Variants in PDPN observed in about 807,000 individuals in gnomAD.
PDPN encodes podoplanin.
A neutral mutation model predicts 23.2 loss-of-function variants in PDPN; 12 were observed. The observed-to-expected ratio is 0.52, with a 90% CI of 0.33 to 0.84. The LOEUF is 0.84. Among genes scored for constraint, PDPN ranks in the 40% least tolerant of loss-of-function variants. The pLI is 0.02. For synonymous variants in PDPN, 77 were observed against 76.7 expected (o/e 1.00, Z -0.02); for missense variants, 199 against 212.2 (o/e 0.94, Z 0.39).
At chr1:13,586,925 G>A (rs1200070167) in intron 1 of PDPN, among the ~76,000 whole-genome samples, 3 of 152,236 alleles carry the variant, frequency 2.0e-5, no homozygotes, top group East Asian at 1.9e-4. Flanking sequence ...GGTGGTGCGC[G>A]CCTGTAGTCC....
intron 1 of PDPN, among the ~76,000 whole-genome samples, chr1:13,596,416 A>G (rs1640498628): frequency 6.6e-6 from 1 of 152,148 alleles, no homozygotes; most frequent in Non-Finnish European, 1.5e-5. Context: ...ATTAATTCAC[A>G]GTTCTCTAGA....
At position 13,597,400 on chromosome 1, in the gene PDPN, C is replaced by T. The variant is rs960039490; in HGVS notation, c.68-9773C>T. Among the ~76,000 whole-genome samples, 4 of 152,072 alleles carry T rather than the reference C, an allele frequency of 2.6e-5. No homozygotes were observed. In the East Asian group the frequency reaches 5.8e-4, roughly 22 times the overall value. On this transcript the variant is annotated intron_variant, in intron 1 of 5. Coordinates refer to ENST00000621990, the MANE Select transcript of PDPN (RefSeq NM_006474.5). The stretch of plus-strand genomic sequence containing the variant: ...TACCCTGGGTTTCCTTTGAAAATCC[C>T]GAGGGTAACTCAGCTTGTATCTTGT...
chr1:13,595,336 A>G (rs1640465437), intron 1 of PDPN, among the ~76,000 whole-genome samples: 1 of 152,166 alleles, frequency 6.6e-6, no homozygotes, highest in Admixed American at 6.5e-5. Context: ...TATTGAAAGG[A>G]AAATGGAGTC....
Position 13,607,297 on chromosome 1 carries a change from G to A in PDPN, c.192G>A (p.Leu64=). The change falls in exon 2 of 6, where the codon TTG becomes TTA. Residue 64 remains leucine (L), a synonymous_variant. Transcript: ENST00000621990. Reference sequence around the variant, plus strand: ...GCGAAGACCGCTATAAGTCTGGCTTGACAACTCTGGTCAGTGTCCTGGGAA... The same window carrying A: ...GCGAAGACCGCTATAAGTCTGGCTTAACAACTCTGGTCAGTGTCCTGGGAA... The part of the protein sequence containing the change: ...GTSEDRYKSG[L]TTLVATSVNS... 6.2e-7 allele frequency: 1 copy of A among 1,613,936 alleles called. No individual in the cohort carries two copies. The highest frequency in any genetic ancestry group is 8.5e-7 in the Non-Finnish European group (1 of 1,179,902).
chr1:13,589,701 T>C (rs1289294051), intron 1 of PDPN, among the ~76,000 whole-genome samples: 1 of 152,164 alleles, frequency 6.6e-6, no homozygotes, highest in Non-Finnish European at 1.5e-5. Flanking sequence ...CCCTAACCAC[T>C]TAGCTACACA....
At chr1:13,584,174 G>A (rs969144400) in intron 1 of PDPN, 74 bp downstream of exon 1, 1 of 1,562,890 alleles carries the variant, frequency 6.4e-7, no homozygotes, top group Admixed American at 1.8e-5. Flanking sequence ...GGAATGCCCG[G>A]GCCTGGTATT....
intron 1 of PDPN, among the ~76,000 whole-genome samples, chr1:13,598,626 A>T (rs1430854810): frequency 1.3e-5 from 2 of 151,708 alleles, no homozygotes; most frequent in Non-Finnish European, 2.9e-5. Flanking sequence ...CCCCATCCTT[A>T]AAACAGTTCT....
intron 1 of PDPN, among the ~76,000 whole-genome samples, chr1:13,606,185 T>C (rs188378734): frequency 2.7e-3 from 408 of 152,248 alleles, no homozygotes; most frequent in African/African-American, 9.3e-3. Context: ...AGACAGAGTT[T>C]CACCGTGTTG....
Position 13,607,223 on chromosome 1 carries a change from G to C in PDPN, c.118G>C (p.Gly40Arg), listed in dbSNP as rs530873437. The change falls in exon 2 of 6, where the codon GGC becomes CGC. Residue 40 changes from glycine (G) to arginine (R), a missense_variant. Physicochemically the swap from Gly to Arg is moderately radical, Grantham distance 125 (BLOSUM62 -2). Coordinates refer to ENST00000621990, the MANE Select transcript of PDPN (RefSeq NM_006474.5). ...DDTETTGLEG[G>R]VAMPGAEDDV... ...CACTGAGACTACAGGTTTGGAAGGC[G>C]GCGTTGCCATGCCAGGTGCCGAAGA... 1 of 1,614,076 alleles carries C rather than the reference G, an allele frequency of 6.2e-7. No individual in the cohort carries two copies. The highest frequency in any genetic ancestry group is 2.2e-5 in the East Asian group (1 of 44,882).
At chr1:13,606,727 C>A (rs1396454107) in intron 1 of PDPN, among the ~76,000 whole-genome samples, 2 of 151,878 alleles carry the variant, frequency 1.3e-5, no homozygotes, top group African/African-American at 4.8e-5. Context: ...AGATGGAGAC[C>A]CCGCTTTTGC....
At chr1:13,597,965 A>G (rs1185307808) in intron 1 of PDPN, among the ~76,000 whole-genome samples, 2 of 151,538 alleles carry the variant, frequency 1.3e-5, no homozygotes, top group Non-Finnish European at 2.9e-5. Flanking sequence ...ACAGAGGGAG[A>G]CCCTGTCTCA....
chr1:13,599,009 T>TC (rs1640568224), intron 1 of PDPN, among the ~76,000 whole-genome samples: 2 of 133,352 alleles, frequency 1.5e-5, no homozygotes, highest in Non-Finnish European at 3.1e-5. Flanking sequence ...GTGCCCCCCC[T>TC]CCTTTTTTTT....
intron 1 of PDPN, among the ~76,000 whole-genome samples, chr1:13,593,676 C>T (rs1287729420): frequency 6.6e-6 from 1 of 152,162 alleles, no homozygotes; most frequent in African/African-American, 2.4e-5. Context: ...GGCTTCTTTT[C>T]TCCCTCTTGC....
Position 13,616,052 on chromosome 1 carries a change from G to A in PDPN, c.*141G>A, listed in dbSNP as rs1187511488. ...ACTCAGAATCCACGGTGACCTCTCC[G>A]CTTGCCAAAATAACCGAAGGAAAGA... is the stretch of plus-strand genomic sequence containing the variant. On this transcript the variant is annotated 3_prime_UTR_variant, in exon 6 of 6. Coordinates refer to ENST00000621990, the MANE Select transcript of PDPN (RefSeq NM_006474.5). 6.6e-6 allele frequency: 5 copies of A among 756,218 alleles called. No homozygotes were observed. Among genetic ancestry groups the A allele is most frequent in the South Asian group, 3.2e-5 (2 of 62,534 alleles). The allele number at this position is 756,218 out of a possible 1,614,324, so 46.8% of individuals were successfully genotyped here. A position where few individuals can be genotyped will look rare whatever the true frequency, so the allele number is the denominator to read the frequency against.
rs60016358 is a variant in PDPN at position 13,612,476 on chromosome 1, A to G, written c.332-1211A>G. 5.3e-3 allele frequency among the ~76,000 whole-genome samples: 815 copies of G among 152,342 alleles called. 7 individuals carry two copies. The highest frequency in any genetic ancestry group is 0.018 in the African/African-American group (744 of 41,572). On this transcript the variant is annotated intron_variant, in intron 3 of 5. Coordinates refer to ENST00000621990, the MANE Select transcript of PDPN (RefSeq NM_006474.5). ...AGCTGCCACGTGGTAGGACGTGATA[A>G]GCAAATGATTGACTTATCTCTTCGG...
intron 5 of PDPN, chr1:13,614,816 CA>C (rs1641025601): frequency 1.9e-6 from 1 of 517,834 alleles, no homozygotes; most frequent in Non-Finnish European, 3.9e-6. Context: ...TCTTCATCTT[CA>C]AAAGGACTAC....
intron 1 of PDPN, among the ~76,000 whole-genome samples, chr1:13,585,845 C>T (rs1217886854): frequency 2.0e-5 from 3 of 152,064 alleles, no homozygotes; most frequent in Non-Finnish European, 4.4e-5. Context: ...CATCATTGAG[C>T]GAAGCTATTG....
intron 1 of PDPN, among the ~76,000 whole-genome samples, chr1:13,598,507 C>G (rs1426557599): frequency 6.6e-6 from 1 of 152,170 alleles, no homozygotes. Flanking sequence ...TTCCCTGATA[C>G]ACACACACTA....
At chr1:13,584,370 G>A in intron 1 of PDPN, 1 of 1,414,484 alleles carries the variant, frequency 7.1e-7, no homozygotes, top group African/African-American at 1.4e-5. Context: ...CTCCCTCCGA[G>A]TCGGCAGCAC....
Sources: gnomAD v4.1 joint callset for allele counts (sites outside exome capture counted in the v4.1 genomes callset) on GRCh38, gnomAD v4.1.1 for gene constraint, MANE v1.5 for transcripts, NCBI Gene and HGNC (gene_info 2026-07-23, HGNC 2026-07-21) for gene names.